FYB1: variants seen among roughly 807,000 people sequenced by gnomAD.
The protein encoded by FYB1 is FYN binding protein 1, also known as FYN-binding protein 1.
In FYB1, 41 loss-of-function variants were observed where a neutral mutation model predicts 94.1. The observed-to-expected ratio is 0.44, with a 90% confidence interval of 0.34 to 0.57. The LOEUF (loss-of-function observed/expected upper bound fraction) is 0.57, where lower values mean the gene tolerates loss of function less well. FYB1 is among the 20% of genes least tolerant of loss of function. FYB1 has a pLI of 0.02. For synonymous variants in FYB1, 367 were observed against 353.2 expected (o/e 1.04, Z -0.44); for missense variants, 1,050 against 976.8 (o/e 1.07, Z -1.00).
In FYB1 at chr5:39,159,784, GCCCACT is replaced by G. The variant is rs142344844; in HGVS notation, c.1136-6186_1136-6181del. ...CCATCAGTGCCTGCTTCCTTGTACA[GCCCACT>G]CCCTTTATTATTAACTCCTTCATTG... On this transcript the variant is annotated intron_variant, in intron 2 of 18. Coordinates refer to ENST00000512982, the MANE Select transcript of FYB1 (RefSeq NM_001465.6). Among the ~76,000 whole-genome samples, 1,592 of 152,218 alleles carry G rather than the reference GCCCACT, an allele frequency of 0.01. 59 individuals carry two copies. In the East Asian group the frequency reaches 0.13, roughly 13 times the overall value.
chr5:39,226,481 C>T lies in FYB1; in HGVS notation c.-27-23494G>A, dbSNP rs575127817. On this transcript the variant is annotated intron_variant, in intron 1 of 1. Transcript: ENST00000510188. ...TTACTACCTCTTCACTTGCATGTGG[C>T]ATTGCTTTTGCTTCTCTCACTTCAT... 3.3e-5 allele frequency among the ~76,000 whole-genome samples: 5 copies of T among 152,246 alleles called. No homozygotes were observed. The East Asian group carries it at 7.7e-4, about 24-fold the overall frequency.
chr5:39,124,915 C>CA (rs1740489699), intron 12 of FYB1, among the ~76,000 whole-genome samples: 1 of 139,476 alleles, frequency 7.2e-6, no homozygotes, highest in Non-Finnish European at 1.6e-5. Flanking sequence ...TAAATACACT[C>CA]CACACACACA....
intron 1 of FYB1, among the ~76,000 whole-genome samples, chr5:39,238,826 A>G (rs1751083486): frequency 6.6e-6 from 1 of 152,116 alleles, no homozygotes; most frequent in African/African-American, 2.4e-5. Context: ...CTTTCCTCCA[A>G]CAGCTAGGCT....
rs1335948928 is a variant in FYB1 at position 39,105,401 on chromosome 5, C to T, written c.*2042G>A. 6.6e-6 allele frequency: 1 copy of T among 152,038 alleles called. No homozygotes were observed. Among genetic ancestry groups the T allele is most frequent in the Non-Finnish European group, 1.5e-5 (1 of 68,018 alleles). The allele number at this position is 152,038 out of a possible 1,614,324, so 9.4% of individuals were successfully genotyped here. On this transcript the variant is annotated 3_prime_UTR_variant, in exon 19 of 19. Transcript: ENST00000512982. Reference sequence around the variant, plus strand: ...ATGATTATCTATTGTGTAAATCTTTCCTAGGTATGTGTGTCTGTTTCTTGA... The same window carrying T: ...ATGATTATCTATTGTGTAAATCTTTTCTAGGTATGTGTGTCTGTTTCTTGA...
chr5:39,272,670 CAAAAAAA>C (rs1195291951), intron 1 of FYB1, among the ~76,000 whole-genome samples: 1 of 70,876 alleles, frequency 1.4e-5, no homozygotes, highest in Non-Finnish European at 2.7e-5. Flanking sequence ...AGACTCATCT[CAAAAAAA>C]AAAAAAAAAA....
intron 1 of FYB1, among the ~76,000 whole-genome samples, chr5:39,243,684 A>T (rs1425487142): frequency 6.6e-6 from 1 of 152,168 alleles, no homozygotes; most frequent in African/African-American, 2.4e-5. Context: ...GAAGAAAGTC[A>T]TTGGTAGCTG....
chr5:39,222,949 G>T (rs1240850263), upstream of FYB1, among the ~76,000 whole-genome samples: 1 of 151,948 alleles, frequency 6.6e-6, no homozygotes, highest in Non-Finnish European at 1.5e-5. Context: ...AAACACTGAG[G>T]CCTGTTGGGG....
intron 1 of FYB1, among the ~76,000 whole-genome samples, chr5:39,217,749 G>A (rs1749981061): frequency 6.6e-6 from 1 of 152,180 alleles, no homozygotes; most frequent in Non-Finnish European, 1.5e-5. Context: ...CCGCCAGCGA[G>A]CCACGGTTCA....
chr5:39,134,867 C>T lies in FYB1; in HGVS notation c.1663G>A (p.Ala555Thr), dbSNP rs765477766. ...NPEGKWLGRT[A>T]RGSYGYIKTT... ...AATTTGCACTCACATGAACCCCTTG[C>T]TGTTCTGCCCAACCATTTTCCTTCT... The change falls in exon 8 of 19, where the codon GCA becomes ACA. Residue 555 changes from alanine to threonine, a missense_variant. Physicochemically the swap from Ala to Thr is moderately conservative, Grantham distance 58 (BLOSUM62 0). Transcript: ENST00000512982. 1.2e-6 allele frequency: 2 copies of T among 1,613,928 alleles called. No individual in the cohort carries two copies. Among genetic ancestry groups the T allele is most frequent in the South Asian group, 2.2e-5 (2 of 91,082 alleles).
chr5:39,248,618 C>T (rs1016283000), intron 1 of FYB1, among the ~76,000 whole-genome samples: 44 of 152,254 alleles, frequency 2.9e-4, no homozygotes, highest in African/African-American at 9.4e-4. Context: ...GTGGGGATCA[C>T]TTGAGGTCAG....
chr5:39,252,106 C>T (rs1751738268), intron 1 of FYB1, among the ~76,000 whole-genome samples: 1 of 152,016 alleles, frequency 6.6e-6, no homozygotes, highest in South Asian at 2.1e-4. Context: ...GATCGCGCCA[C>T]TGGACTCCAG....
At chr5:39,184,852 A>C (rs1182949983) in intron 2 of FYB1, among the ~76,000 whole-genome samples, 1 of 152,164 alleles carries the variant, frequency 6.6e-6, no homozygotes, top group East Asian at 1.9e-4. Flanking sequence ...GAGATGATGC[A>C]CAACCTGTTC....
intron 1 of FYB1, among the ~76,000 whole-genome samples, chr5:39,237,768 G>C (rs1751032451): frequency 6.6e-6 from 1 of 151,982 alleles, no homozygotes. Flanking sequence ...CAAATAAATG[G>C]CTGGGAAAAC....
chr5:39,245,304 T>C (rs1228700340), intron 1 of FYB1, among the ~76,000 whole-genome samples: 1 of 152,204 alleles, frequency 6.6e-6, no homozygotes, highest in Non-Finnish European at 1.5e-5. Flanking sequence ...AGTTAATAAA[T>C]ATTTGTAATG....
chr5:39,233,809 T>C (rs1750847783), intron 1 of FYB1, among the ~76,000 whole-genome samples: 1 of 152,164 alleles, frequency 6.6e-6, no homozygotes, highest in Non-Finnish European at 1.5e-5. Flanking sequence ...GAAGGATATC[T>C]TAATAGCCTT....
At chr5:39,138,306 G>A (rs375140205) in intron 6 of FYB1, 14 of 187,948 alleles carry the variant, frequency 7.4e-5, no homozygotes, top group African/African-American at 2.1e-4. Flanking sequence ...ATAGCACCCC[G>A]TGGGTGGAGC....
intron 5 of FYB1, 64 bp from the exon 6 acceptor site, chr5:39,138,755 A>G (rs1337527657): frequency 3.2e-6 from 3 of 927,492 alleles, no homozygotes; most frequent in Non-Finnish European, 5.1e-6. Context: ...CACATATTAC[A>G]TTGCTTAGAC....
At chr5:39,139,871 A>G (rs952124958) in intron 4 of FYB1, 1 of 152,190 alleles carries the variant, frequency 6.6e-6, no homozygotes, top group African/African-American at 2.4e-5. Context: ...ATACACATAC[A>G]CACACATAGA....
chr5:39,124,319 T>C, intron 12 of FYB1, 41 bp from the exon 13 acceptor site: 2 of 1,439,484 alleles, frequency 1.4e-6, no homozygotes. Context: ...CAGACTAACA[T>C]GAACACAGAA....
Sources: allele counts gnomAD v4.1 joint callset (sites outside exome capture counted in the v4.1 genomes callset), GRCh38; gene constraint gnomAD v4.1.1; transcripts MANE v1.5; gene names NCBI Gene and HGNC (gene_info 2026-07-23, HGNC 2026-07-21).